GRID1: variants seen among roughly 807,000 people sequenced by gnomAD.
GRID1 encodes glutamate ionotropic receptor delta type subunit 1.
A neutral mutation model predicts 98.0 loss-of-function variants in GRID1; 28 were observed. That is an observed-to-expected ratio of 0.29 (90% confidence interval 0.21 to 0.39). The LOEUF (loss-of-function observed/expected upper bound fraction) is 0.39. GRID1 is among the 10% of genes least tolerant of loss of function. The pLI, the probability that GRID1 is intolerant of heterozygous loss-of-function variation, is 1.00. For synonymous variants in GRID1, 553 were observed against 538.5 expected (o/e 1.03, Z -0.37); for missense variants, 1,111 against 1,340.5 (o/e 0.83, Z 2.67).
chr10:85,787,399 G>A (rs1449544870), intron 8 of GRID1, among the ~76,000 whole-genome samples: 2 of 152,276 alleles, frequency 1.3e-5, no homozygotes, highest in East Asian at 3.9e-4. Context: ...AAGAGGTCCT[G>A]TGGGTGAAGC....
chr10:86,347,225 G>A lies in GRID1; in HGVS notation c.235+16716C>T, dbSNP rs972546656. Among the ~76,000 whole-genome samples the A allele has an allele frequency of 7.9e-5, 12 of 152,272 alleles. No homozygotes were observed. In the South Asian group the frequency reaches 1.5e-3, roughly 18 times the overall value. On this transcript the variant is annotated intron_variant, in intron 2 of 15. Transcript: ENST00000327946. ...CAACTGTCACCAGGTGTTGCCCTGA[G>A]GCTCCCAGTCCAATCCCCCCTTAAC...
Position 85,749,557 on chromosome 10 carries a change from C to T in GRID1, c.1234-19943G>A, listed in dbSNP as rs189028083. Among the ~76,000 whole-genome samples, 32 of 152,284 alleles carry T rather than the reference C, an allele frequency of 2.1e-4. No individual in the cohort carries two copies. The Middle Eastern group carries it at 0.014, about 65-fold the overall frequency. On this transcript the variant is annotated intron_variant, in intron 8 of 15. Coordinates refer to ENST00000327946, the MANE Select transcript of GRID1 (RefSeq NM_017551.3). ...AAACATAAATCATGTTATACTACTC[C>T]TTCATTTAAAATGTTCCCTTGGCAC...
At chr10:86,146,114 T>C (rs1370876706) in intron 3 of GRID1, among the ~76,000 whole-genome samples, 1 of 152,246 alleles carries the variant, frequency 6.6e-6, no homozygotes, top group East Asian at 1.9e-4. Context: ...TTTCAATTTC[T>C]GAGAAAGGCC....
chr10:86,329,795 A>G (rs1301975042), intron 2 of GRID1, among the ~76,000 whole-genome samples: 1 of 152,106 alleles, frequency 6.6e-6, no homozygotes, highest in Non-Finnish European at 1.5e-5. Flanking sequence ...AAGGACCCAG[A>G]GCCTGGATCT....
chr10:85,891,031 C>T (rs577811031), intron 5 of GRID1, among the ~76,000 whole-genome samples: 3 of 152,252 alleles, frequency 2.0e-5, no homozygotes, highest in East Asian at 1.9e-4. Flanking sequence ...TGATCCTTCA[C>T]AGTCCTCATT....
chr10:85,656,460 T>A (rs1840896200), intron 12 of GRID1, among the ~76,000 whole-genome samples: 1 of 152,216 alleles, frequency 6.6e-6, no homozygotes. Flanking sequence ...CATTGATGAC[T>A]GTAGTGGGAC....
intron 3 of GRID1, among the ~76,000 whole-genome samples, chr10:86,139,526 G>A (rs1190633000): frequency 1.3e-5 from 2 of 152,146 alleles, no homozygotes; most frequent in East Asian, 1.9e-4. Context: ...TCCTGCCAAC[G>A]CACAGCCTGT....
intron 3 of GRID1, among the ~76,000 whole-genome samples, chr10:86,142,379 A>G (rs532464292): frequency 6.6e-6 from 1 of 152,368 alleles, no homozygotes; most frequent in African/African-American, 2.4e-5. Context: ...CCTTTACCTT[A>G]AAAAACTGCC....
At chr10:86,223,289 GC>G (rs1564710970) in intron 2 of GRID1, among the ~76,000 whole-genome samples, 1 of 152,148 alleles carries the variant, frequency 6.6e-6, no homozygotes, top group African/African-American at 2.4e-5. Context: ...TCCACCCCCT[GC>G]CCAGACACCT....
intron 13 of GRID1, among the ~76,000 whole-genome samples, chr10:85,624,063 C>A (rs1842884735): frequency 6.6e-6 from 1 of 152,124 alleles, no homozygotes; most frequent in Admixed American, 6.5e-5. Context: ...CCTGTATCTC[C>A]CAGTACTGTC....
At position 86,363,972 on chromosome 10, in the gene GRID1, C is replaced by A; in HGVS notation, c.204G>T (p.Glu68Asp). The change falls in exon 2 of 16, where the codon GAG (glutamate) becomes GAT (aspartate). Residue 68 changes from glutamate (E) to aspartate (D), a missense_variant. Coordinates refer to ENST00000327946, the MANE Select transcript of GRID1 (RefSeq NM_017551.3). Reference protein sequence around the residue: ...EKITYSIKVIEANNPFQAVQE... With the variant: ...EKITYSIKVIDANNPFQAVQE... ...GCACAGCCTGGAATGGGTTGTTGGC[C>A]TCGATGACCTTGATGGAGTAGGTGA... is the stretch of plus-strand genomic sequence containing the variant. 1 of 1,614,132 alleles carries A rather than the reference C, an allele frequency of 6.2e-7. No homozygotes were observed. Among genetic ancestry groups the A allele is most frequent in the Non-Finnish European group, 8.5e-7 (1 of 1,179,952 alleles).
chr10:86,292,074 A>G (rs1380587065), intron 2 of GRID1, among the ~76,000 whole-genome samples: 1 of 152,192 alleles, frequency 6.6e-6, no homozygotes, highest in Non-Finnish European at 1.5e-5. Flanking sequence ...GCCCACACAC[A>G]GGGTCAGGGA....
chr10:85,932,427 G>C (rs1385846914), intron 4 of GRID1, among the ~76,000 whole-genome samples: 1 of 151,998 alleles, frequency 6.6e-6, no homozygotes, highest in East Asian at 1.9e-4. Flanking sequence ...TGTTACCCTG[G>C]CTGGTCTCGA....
intron 4 of GRID1, among the ~76,000 whole-genome samples, chr10:85,986,195 C>T (rs371989395): frequency 7.7e-4 from 117 of 152,332 alleles, no homozygotes; most frequent in African/African-American, 2.6e-3. Flanking sequence ...AAGAATTCCA[C>T]GGTAAGTCAG....
At chr10:86,112,556 G>C (rs1271608048) in intron 4 of GRID1, among the ~76,000 whole-genome samples, 1 of 148,466 alleles carries the variant, frequency 6.7e-6, no homozygotes, top group African/African-American at 2.5e-5. Flanking sequence ...GCAAGTGAAG[G>C]ATGAAAGCAA....
At chr10:86,049,663 G>A (rs1394735345) in intron 4 of GRID1, among the ~76,000 whole-genome samples, 1 of 152,188 alleles carries the variant, frequency 6.6e-6, no homozygotes, top group Non-Finnish European at 1.5e-5. Flanking sequence ...ATTTTCCAGG[G>A]CACTAGGCCT....
At chr10:86,067,248 C>T (rs867993214) in intron 4 of GRID1, among the ~76,000 whole-genome samples, 24 of 152,304 alleles carry the variant, frequency 1.6e-4, no homozygotes, top group African/African-American at 5.3e-4. Flanking sequence ...ACAGAGCCTC[C>T]GCGCTCTGCA....
At chr10:86,260,939 G>T (rs912369509) in intron 2 of GRID1, among the ~76,000 whole-genome samples, 1 of 152,244 alleles carries the variant, frequency 6.6e-6, no homozygotes, top group Non-Finnish European at 1.5e-5. Flanking sequence ...CCCAGCAGGT[G>T]GGAGAAGGAG....
chr10:85,779,730 T>C (rs1917155), intron 8 of GRID1, among the ~76,000 whole-genome samples: 65,108 of 151,950 alleles, frequency 0.43, 14,849 homozygotes, highest in East Asian at 0.73. Context: ...GTTCTATGAG[T>C]TTGCCCCTGA....
Sources: allele counts gnomAD v4.1 joint callset (sites outside exome capture counted in the v4.1 genomes callset), GRCh38; gene constraint gnomAD v4.1.1; transcripts MANE v1.5; gene names NCBI Gene and HGNC (gene_info 2026-07-23, HGNC 2026-07-21).